The following UCK2 variants were observed in gnomAD, a reference collection of about 807,000 sequenced individuals.
UCK2 encodes cytidine monophosphokinase 2.
A neutral mutation model predicts 30.8 loss-of-function variants in UCK2; 6 were observed. The ratio of observed to expected loss-of-function variants is 0.19; its 90% CI spans 0.11 to 0.38. The LOEUF is 0.38. Among genes scored for constraint, UCK2 ranks in the 10% least tolerant of loss-of-function variants. The pLI, the probability that UCK2 is intolerant of heterozygous loss-of-function variation, is 1.00. For synonymous variants in UCK2, 125 were observed against 133.6 expected (o/e 0.94, Z 0.45); for missense variants, 210 against 339.8 (o/e 0.62, Z 3.00).
intron 1 of UCK2, among the ~76,000 whole-genome samples, chr1:165,832,027 C>G (rs1314372656): frequency 6.6e-6 from 1 of 152,180 alleles, no homozygotes; most frequent in African/African-American, 2.4e-5. Flanking sequence ...CCTTGGCCTC[C>G]CGAAGCGTTG....
At chr1:165,839,458 T>C (rs1654272407) in intron 1 of UCK2, among the ~76,000 whole-genome samples, 1 of 152,086 alleles carries the variant, frequency 6.6e-6, no homozygotes, top group African/African-American at 2.4e-5. Context: ...AAGCTTGTGT[T>C]TTAGACCTGT....
intron 1 of UCK2, among the ~76,000 whole-genome samples, chr1:165,872,653 A>G (rs1213435337): frequency 1.3e-5 from 2 of 152,262 alleles, no homozygotes; most frequent in Non-Finnish European, 2.9e-5. Flanking sequence ...ATGTCTGTCA[A>G]TGGAGGACTA....
chr1:165,856,794 A>C (rs550541170), intron 1 of UCK2, among the ~76,000 whole-genome samples: 2 of 152,332 alleles, frequency 1.3e-5, no homozygotes, highest in Non-Finnish European at 2.9e-5. Flanking sequence ...ACACACTTCC[A>C]GAGTCAAATG....
chr1:165,827,861 C>T lies in UCK2; in HGVS notation c.28C>T (p.Gln10Ter). ...GGCCGGGGACAGCGAGCAGACCCTGCAGAACCACCAGCAGCCCAACGGCGG... is the reference window on the plus strand; with the variant it reads ...GGCCGGGGACAGCGAGCAGACCCTGTAGAACCACCAGCAGCCCAACGGCGG... MAGDSEQTL[Q>*]NHQQPNGGEP... is the part of the protein sequence containing the mutation. Residue 10 changes from glutamine to a stop codon, truncating the protein, a stop_gained, in exon 1 of 7, where the codon CAG becomes TAG. Transcript: ENST00000367879. LOFTEE classifies it high-confidence loss of function. The T allele has an allele frequency of 6.8e-7, 1 of 1,477,070 alleles. No homozygotes were observed. Among genetic ancestry groups the T allele is most frequent in the Admixed American group, 2.2e-5 (1 of 44,996 alleles). 91.5% of individuals were successfully genotyped at this position (1,477,070 alleles called of 1,614,324 possible).
At chr1:165,883,073 C>T (rs1655539233) in intron 1 of UCK2, among the ~76,000 whole-genome samples, 1 of 152,168 alleles carries the variant, frequency 6.6e-6, no homozygotes. Context: ...ATCTGCCTGA[C>T]TCGGCCTCTC....
intron 1 of UCK2, among the ~76,000 whole-genome samples, chr1:165,867,701 C>T (rs1036379871): frequency 6.6e-6 from 1 of 152,220 alleles, no homozygotes; most frequent in Non-Finnish European, 1.5e-5. Context: ...TCAGGTTCCA[C>T]TTCTAATTCT....
intron 1 of UCK2, 143 bp from the exon 2 acceptor site, chr1:165,890,061 A>C: frequency 1.2e-6 from 1 of 835,092 alleles, no homozygotes; most frequent in Non-Finnish European, 1.9e-6. Flanking sequence ...CCTTTAACTC[A>C]TCATGCACGA....
intron 1 of UCK2, among the ~76,000 whole-genome samples, chr1:165,841,005 C>A (rs1654314998): frequency 6.6e-6 from 1 of 151,998 alleles, no homozygotes; most frequent in African/African-American, 2.4e-5. Context: ...TTCTTGATAA[C>A]CTGCTAGAGG....
intron 1 of UCK2, among the ~76,000 whole-genome samples, chr1:165,888,778 C>T (rs1655689093): frequency 1.3e-5 from 2 of 151,686 alleles, no homozygotes; most frequent in Admixed American, 6.6e-5. Flanking sequence ...CCACCGTGCC[C>T]GGCAGGTCAA....
intron 3 of UCK2, 81 bp downstream of exon 3, chr1:165,891,403 AC>A: frequency 1.5e-6 from 2 of 1,295,184 alleles, no homozygotes; most frequent in East Asian, 2.4e-5. Flanking sequence ...CTCCTTCCTT[AC>A]CTCTCGCACT....
intron 1 of UCK2, among the ~76,000 whole-genome samples, chr1:165,839,433 A>T (rs376528499): frequency 6.6e-6 from 1 of 152,090 alleles, no homozygotes; most frequent in Non-Finnish European, 1.5e-5. Context: ...GGAGACATCC[A>T]TTGTTAAGGT....
chr1:165,900,126 C>T (rs1307843192), intron 4 of UCK2: 1 of 152,262 alleles, frequency 6.6e-6, no homozygotes, highest in Non-Finnish European at 1.5e-5. Context: ...CTCCTTTTTC[C>T]CTTTGCTGCC....
chr1:165,887,584 C>T (rs1655647799), intron 1 of UCK2, among the ~76,000 whole-genome samples: 1 of 152,012 alleles, frequency 6.6e-6, no homozygotes, highest in African/African-American at 2.4e-5. Flanking sequence ...TCGTGAATCA[C>T]TTTTTTGTTT....
chr1:165,853,973 AAC>A (rs1654662620), intron 1 of UCK2, among the ~76,000 whole-genome samples: 1 of 152,190 alleles, frequency 6.6e-6, no homozygotes, highest in East Asian at 1.9e-4. Flanking sequence ...CTTAACAGTT[AAC>A]AGTTTTAGAT....
At chr1:165,836,601 T>C (rs1654199741) in intron 1 of UCK2, among the ~76,000 whole-genome samples, 1 of 152,234 alleles carries the variant, frequency 6.6e-6, no homozygotes, top group South Asian at 2.1e-4. Context: ...GGAATTGTTA[T>C]TCAGTCATTA....
In UCK2 at chr1:165,851,775, G is replaced by A. The variant is rs138800680; in HGVS notation, c.99+23843G>A. ...CCCTACCCCCAGCAGGCCCTGGTGT[G>A]TGTTTCCCTCTCTGTGTCCATGGGT... is the stretch of plus-strand genomic sequence containing the variant. On this transcript the variant is annotated intron_variant, in intron 1 of 6. Transcript: ENST00000367879. 9.2e-3 allele frequency among the ~76,000 whole-genome samples: 1,401 copies of A among 152,214 alleles called. 12 individuals are homozygous for A. The highest frequency in any genetic ancestry group is 0.016 in the Non-Finnish European group (1,117 of 68,018).
At chr1:165,905,188 G>T (rs1647609363) in intron 5 of UCK2, among the ~76,000 whole-genome samples, 1 of 152,208 alleles carries the variant, frequency 6.6e-6, no homozygotes, top group African/African-American at 2.4e-5. Flanking sequence ...TTCAGCGTTA[G>T]AAATGAGAAC....
chr1:165,906,961 A>C (rs940677431), intron 6 of UCK2, among the ~76,000 whole-genome samples: 1 of 152,152 alleles, frequency 6.6e-6, no homozygotes, highest in Non-Finnish European at 1.5e-5. Flanking sequence ...TAACCTGGAG[A>C]TGTTCCCTAT....
At chr1:165,861,880 A>G (rs1409503123) in intron 1 of UCK2, among the ~76,000 whole-genome samples, 1 of 152,158 alleles carries the variant, frequency 6.6e-6, no homozygotes, top group Non-Finnish European at 1.5e-5. Flanking sequence ...AGCAAAATAC[A>G]CGCAGATTTC....
Sources: gnomAD v4.1 joint callset for allele counts (sites outside exome capture counted in the v4.1 genomes callset) on GRCh38, gnomAD v4.1.1 for gene constraint, MANE v1.5 for transcripts, NCBI Gene and HGNC (gene_info 2026-07-23, HGNC 2026-07-21) for gene names.